The following C2CD2 variants were observed in gnomAD, a reference collection of about 807,000 sequenced individuals.
C2CD2 encodes the protein C2 domain-containing protein 2.
In C2CD2, 43 loss-of-function variants were observed where a neutral mutation model predicts 74.3. The ratio of observed to expected loss-of-function variants is 0.58; its 90% CI spans 0.45 to 0.75. C2CD2 has a LOEUF of 0.75. Among genes scored for constraint, C2CD2 ranks in the 30% least tolerant of loss-of-function variants. The pLI, the probability that C2CD2 is intolerant of heterozygous loss-of-function variation, is 0.00. For missense variants in C2CD2, 801 were observed against 916.3 expected (o/e 0.87, Z 1.63); for synonymous variants, 422 against 390.7 (o/e 1.08, Z -0.94).
At chr21:41,909,098 T>C (rs2064997719) in intron 8 of C2CD2, among the ~76,000 whole-genome samples, 1 of 152,222 alleles carries the variant, frequency 6.6e-6, no homozygotes, top group African/African-American at 2.4e-5. Flanking sequence ...ACATTTTATG[T>C]TGTTTATCTT....
intron 4 of C2CD2, among the ~76,000 whole-genome samples, 176 bp from the exon 5 acceptor site, chr21:41,918,403 A>G (rs1347432518): frequency 1.3e-5 from 2 of 152,252 alleles, no homozygotes; most frequent in Admixed American, 1.3e-4. Context: ...CCTTGGAAGC[A>G]GCCTTCGGAC....
chr21:41,920,702 G>A (rs1601583843), intron 3 of C2CD2, among the ~76,000 whole-genome samples: 1 of 152,228 alleles, frequency 6.6e-6, no homozygotes, highest in East Asian at 1.9e-4. Context: ...TCTGCGCTGA[G>A]AGGTAATCCA....
At chr21:41,936,553 A>T (rs185015374) in intron 2 of C2CD2, among the ~76,000 whole-genome samples, 1 of 152,352 alleles carries the variant, frequency 6.6e-6, no homozygotes, top group East Asian at 1.9e-4. Flanking sequence ...AAAATTAAAC[A>T]GAGAACTACC....
chr21:41,953,744 G>T lies in C2CD2; in HGVS notation c.-96C>A. The T allele has an allele frequency of 1.7e-6, 2 of 1,172,634 alleles. No individual in the cohort carries two copies. The highest frequency in any genetic ancestry group is 2.1e-6 in the Non-Finnish European group (2 of 932,218). 72.6% of individuals were successfully genotyped at this position (1,172,634 alleles called of 1,614,324 possible). On this transcript the variant is annotated 5_prime_UTR_variant, in exon 1 of 14. Transcript: ENST00000380486. The stretch of plus-strand genomic sequence containing the variant: ...GCGCTGGCTGCGGCCACAGCGCGCT[G>T]GGGGCGTGGAGGGGGCGCGGCGGGG...
At chr21:41,925,171 T>G (rs755511104) in intron 2 of C2CD2, among the ~76,000 whole-genome samples, 1 of 152,108 alleles carries the variant, frequency 6.6e-6, no homozygotes, top group African/African-American at 2.4e-5. Flanking sequence ...CCCTCAGAAT[T>G]TGGCTAGAAA....
chr21:41,915,188 A>T (rs2065075098), intron 5 of C2CD2, among the ~76,000 whole-genome samples: 1 of 152,000 alleles, frequency 6.6e-6, no homozygotes, highest in Non-Finnish European at 1.5e-5. Flanking sequence ...CCCATTTCCC[A>T]CCTCCACACA....
intron 2 of C2CD2, among the ~76,000 whole-genome samples, chr21:41,928,229 G>A (rs2065231924): frequency 6.6e-6 from 1 of 152,140 alleles, no homozygotes; most frequent in Non-Finnish European, 1.5e-5. Context: ...TCTGTATTCC[G>A]ACCAACCGAC....
Position 41,910,972 on chromosome 21 carries a change from T to C in C2CD2, c.953+1360A>G, listed in dbSNP as rs1164825553. The stretch of plus-strand genomic sequence containing the variant: ...CGGTATTTGTGTATAGTTTTTTCCC[T>C]TATCTAATTTGCATTAACCAATACT... On this transcript the variant is annotated intron_variant, in intron 7 of 13. Coordinates refer to ENST00000380486, the MANE Select transcript of C2CD2 (RefSeq NM_015500.2). Among the ~76,000 whole-genome samples, 13 of 148,748 alleles carry C rather than the reference T, an allele frequency of 8.7e-5. No homozygotes were observed. In the East Asian group the frequency reaches 2.6e-3, roughly 29 times the overall value.
At chr21:41,912,530 GCC>G (rs2065039372) in intron 6 of C2CD2, 90 bp from the exon 7 acceptor site, 1 of 523,300 alleles carries the variant, frequency 1.9e-6, no homozygotes. Context: ...TCGCTCTGTC[GCC>G]CAGGCTGGAG....
At chr21:41,919,956 G>T (rs2065137634) in intron 3 of C2CD2, among the ~76,000 whole-genome samples, 1 of 152,204 alleles carries the variant, frequency 6.6e-6, no homozygotes, top group Non-Finnish European at 1.5e-5. Context: ...GAGCACGGGA[G>T]AAGAGGGGCC....
chr21:41,937,793 T>G (rs1196158875), intron 2 of C2CD2, among the ~76,000 whole-genome samples: 1 of 152,210 alleles, frequency 6.6e-6, no homozygotes, highest in Non-Finnish European at 1.5e-5. Flanking sequence ...GAAAATCCTG[T>G]CATTTGCAAC....
At chr21:41,927,438 G>A (rs995752626) in intron 2 of C2CD2, among the ~76,000 whole-genome samples, 25 of 151,864 alleles carry the variant, frequency 1.6e-4, no homozygotes, top group African/African-American at 3.9e-4. Flanking sequence ...GATTACAGGC[G>A]GGAACCACCG....
Position 41,919,044 on chromosome 21 carries a change from ATGTG to A in C2CD2, c.493-88_493-85del, listed in dbSNP as rs561885397. 9.6e-6 allele frequency: 9 copies of A among 939,214 alleles called. No individual in the cohort carries two copies. In the South Asian group the frequency reaches 1.2e-4, roughly 13 times the overall value. The allele number at this position is 939,214 out of a possible 1,614,324, so 58.2% of individuals were successfully genotyped here. On this transcript the variant is annotated intron_variant, in intron 3 of 13. Coordinates refer to ENST00000380486, the MANE Select transcript of C2CD2 (RefSeq NM_015500.2). ...TGCGTGTGCATGTGACTGTGTGAGC[ATGTG>A]TGTGTGCATATATGCATGTGAGCAT...
At chr21:41,907,575 T>G in intron 9 of C2CD2, 85 bp downstream of exon 9, 14 of 1,419,180 alleles carry the variant, frequency 9.9e-6, no homozygotes, top group Non-Finnish European at 1.2e-5. Context: ...GAGGCAGGAG[T>G]GAGACTCTGC....
rs1047548155 is a variant in C2CD2 at position 41,886,823 on chromosome 21, A to C, written c.*2301T>G. The stretch of plus-strand genomic sequence containing the variant: ...AACATGGTGAGACTCCATTTCTACT[A>C]AATAGAATTAGCCAGGTGTGGTGGC... On this transcript the variant is annotated 3_prime_UTR_variant, in exon 14 of 14. Coordinates refer to ENST00000380486, the MANE Select transcript of C2CD2 (RefSeq NM_015500.2). 6.6e-6 allele frequency: 1 copy of C among 152,102 alleles called. No individual in the cohort carries two copies. The highest frequency in any genetic ancestry group is 1.5e-5 in the Non-Finnish European group (1 of 68,036). 9.4% of individuals were successfully genotyped at this position (152,102 alleles called of 1,614,324 possible). A position where few individuals can be genotyped will look rare whatever the true frequency, so the allele number is the denominator to read the frequency against.
intron 10 of C2CD2, among the ~76,000 whole-genome samples, chr21:41,906,603 G>T (rs1388106199): frequency 6.6e-6 from 1 of 152,192 alleles, no homozygotes; most frequent in Non-Finnish European, 1.5e-5. Context: ...GACCTCAGGT[G>T]ATCTGCCCGC....
intron 13 of C2CD2, among the ~76,000 whole-genome samples, chr21:41,893,622 C>G (rs2064783367): frequency 6.6e-6 from 1 of 151,814 alleles, no homozygotes; most frequent in Non-Finnish European, 1.5e-5. Flanking sequence ...CCGAGAGGGG[C>G]TGGTAACAAG....
chr21:41,948,962 A>G (rs1348633840), intron 1 of C2CD2, among the ~76,000 whole-genome samples: 1 of 142,596 alleles, frequency 7.0e-6, no homozygotes, highest in African/African-American at 2.6e-5. Context: ...CTCTAAAGAA[A>G]CCCTGGGCTG....
intron 5 of C2CD2, among the ~76,000 whole-genome samples, chr21:41,915,170 A>G (rs1381051973): frequency 6.6e-6 from 1 of 152,212 alleles, no homozygotes; most frequent in African/African-American, 2.4e-5. Context: ...CAGGGCTGTC[A>G]GCCCACACCC....
Sources: allele counts gnomAD v4.1 joint callset (sites outside exome capture counted in the v4.1 genomes callset), GRCh38; gene constraint gnomAD v4.1.1; transcripts MANE v1.5; gene names NCBI Gene and HGNC (gene_info 2026-07-23, HGNC 2026-07-21).